Variants in CRAMP1 observed in about 807,000 individuals in gnomAD.
The protein encoded by CRAMP1 is cramped chromatin regulator 1.
CRAMP1 carries 50 observed loss-of-function variants against 115.4 expected under a neutral mutation model. That is an observed-to-expected ratio of 0.43 (90% CI 0.35 to 0.55). The LOEUF (loss-of-function observed/expected upper bound fraction) is 0.55, where lower values mean the gene tolerates loss of function less well. Among genes scored for constraint, CRAMP1 ranks in the 20% least tolerant of loss-of-function variants. CRAMP1 has a pLI of 0.01. For synonymous variants in CRAMP1, 866 were observed against 745.4 expected, an observed-to-expected ratio of 1.16 and a Z score of -2.64; for missense variants, 1,679 against 1,721.7, an observed-to-expected ratio of 0.98 and a Z score of 0.44.
intron 5 of CRAMP1, among the ~76,000 whole-genome samples, chr16:1,639,744 G>T (rs1353352112): frequency 1.3e-5 from 2 of 152,148 alleles, no homozygotes; most frequent in Non-Finnish European, 1.5e-5. Flanking sequence ...TTTCCCATCT[G>T]CCATGAAGAA....
At chr16:1,670,620 C>G in intron 19 of CRAMP1, 44 bp from the exon 20 acceptor site, 1 of 1,607,628 alleles carries the variant, frequency 6.2e-7, no homozygotes, top group Non-Finnish European at 8.5e-7. Context: ...CTGGTCCAGA[C>G]CAAGCAGGGT....
intron 4 of CRAMP1, among the ~76,000 whole-genome samples, chr16:1,635,328 G>T (rs1316462388): frequency 6.6e-6 from 1 of 152,208 alleles, no homozygotes; most frequent in Admixed American, 6.5e-5. Context: ...CAGCTTGGGG[G>T]CCTTGCGTGT....
intron 2 of CRAMP1, among the ~76,000 whole-genome samples, chr16:1,624,572 C>G (rs2036493230): frequency 2.0e-5 from 3 of 151,672 alleles, no homozygotes; most frequent in Non-Finnish European, 2.9e-5. Context: ...GCGTGCACCA[C>G]CACACCTGGC....
chr16:1,614,740 G>C lies in CRAMP1; in HGVS notation c.101G>C (p.Gly34Ala). Residue 34 changes from glycine (G) to alanine (A), a missense_variant, in exon 2 of 21, where the codon GGC becomes GCC. Physicochemically the swap from Gly to Ala is moderately conservative, Grantham distance 60. Transcript: ENST00000397412. This position sits in a 1 kb window ranked among gnomAD's most constrained non-coding sequence, Gnocchi z 4.4. The stretch of plus-strand genomic sequence containing the variant: ...GAGTCCCTGGAAGGAGAAGGGGCCG[G>C]CGGCGCAGACGCGGCCGAGGAGAGC... Reference protein sequence around the residue: ...DEESLEGEGAGGADAAEESSG... With the variant: ...DEESLEGEGAAGADAAEESSG... 7.3e-7 allele frequency: 1 copy of C among 1,368,866 alleles called. No homozygotes were observed. The highest frequency in any genetic ancestry group is 1.5e-5 in the African/African-American group (1 of 67,036). 84.8% of individuals were successfully genotyped at this position (1,368,866 alleles called of 1,614,324 possible). A position where few individuals can be genotyped will look rare whatever the true frequency, so the allele number is the denominator to read the frequency against.
rs928201248 is a variant in CRAMP1, at chr16:1,669,214, C to T, written c.3499+49C>T. On this transcript the variant is annotated intron_variant, in intron 19 of 20. Coordinates refer to ENST00000397412, the MANE Select transcript of CRAMP1 (RefSeq NM_020825.4). This position sits in a 1 kb window ranked among gnomAD's most constrained non-coding sequence, Gnocchi z 4.6. ...ATCTCCTTTTCCAGGGCAGCAGGGG[C>T]TGGGGTCTGCGGGACACTGGATTCT... The T allele has an allele frequency of 2.1e-6, 3 of 1,441,880 alleles. No homozygotes were observed. The highest frequency in any genetic ancestry group is 2.9e-5 in the African/African-American group (2 of 69,520). The allele number at this position is 1,441,880 out of a possible 1,614,324, so 89.3% of individuals were successfully genotyped here.
At chr16:1,623,200 ACAT>A (rs1481272061) in intron 2 of CRAMP1, among the ~76,000 whole-genome samples, 1 of 152,252 alleles carries the variant, frequency 6.6e-6, no homozygotes, top group East Asian at 1.9e-4. Context: ...CATTTTTAAA[ACAT>A]CAGAAGGAAA....
At chr16:1,668,541 G>A (rs2036895394) in intron 18 of CRAMP1, among the ~76,000 whole-genome samples, 1 of 152,186 alleles carries the variant, frequency 6.6e-6, no homozygotes, top group African/African-American at 2.4e-5. Context: ...CAGTTGGGCT[G>A]GGCCCTGTGG....
chr16:1,660,596 C>T (rs539528247), intron 11 of CRAMP1, among the ~76,000 whole-genome samples: 1 of 152,278 alleles, frequency 6.6e-6, no homozygotes, highest in Admixed American at 6.5e-5. Context: ...CATAAAACCC[C>T]AAGACAAGCA....
intron 4 of CRAMP1, among the ~76,000 whole-genome samples, chr16:1,633,960 C>T (rs144376906): frequency 3.0e-4 from 45 of 151,748 alleles, no homozygotes; most frequent in African/African-American, 1.1e-3. Context: ...CCCAGCTACT[C>T]GGGAGGCTGA....
intron 6 of CRAMP1, among the ~76,000 whole-genome samples, chr16:1,648,527 C>T (rs4424913): frequency 0.12 from 18,948 of 151,654 alleles, 1,648 homozygotes; most frequent in Middle Eastern, 0.26. Context: ...ATCACTTGAG[C>T]CCAGGAGGTG....
intron 8 of CRAMP1, 115 bp downstream of exon 8, chr16:1,653,271 T>A (rs1473974673): frequency 1.6e-6 from 2 of 1,243,362 alleles, no homozygotes; most frequent in East Asian, 2.5e-5. Flanking sequence ...CCCTATGCTC[T>A]GTCATCACAC....
intron 2 of CRAMP1, among the ~76,000 whole-genome samples, chr16:1,621,724 A>G (rs577660221): frequency 6.6e-6 from 1 of 152,014 alleles, no homozygotes; most frequent in East Asian, 1.9e-4. Context: ...TCTTGCTTTC[A>G]AAGAGTGCAC....
intron 4 of CRAMP1, among the ~76,000 whole-genome samples, chr16:1,636,384 AG>A (rs1160358621): frequency 6.6e-6 from 1 of 151,762 alleles, no homozygotes; most frequent in African/African-American, 2.4e-5. Context: ...AAAAAAAAAA[AG>A]AAAGAAAGAA....
At chr16:1,627,938 G>T (rs1385801131) in intron 3 of CRAMP1, among the ~76,000 whole-genome samples, 4 of 152,172 alleles carry the variant, frequency 2.6e-5, no homozygotes, top group African/African-American at 4.8e-5. Flanking sequence ...TCCTTGGCAA[G>T]ACTGTAGCCT....
In CRAMP1 at chr16:1,674,151, CTG is replaced by C. The variant is rs748812945; in HGVS notation, c.*109_*110del. On this transcript the variant is annotated 3_prime_UTR_variant, in exon 21 of 21. Coordinates refer to ENST00000397412, the MANE Select transcript of CRAMP1 (RefSeq NM_020825.4). ...AACAGAGGCATCTCCGCACCCAAGA[CTG>C]TGCAACGGGCAGGAACGTGGTCACA... 3.6e-5 allele frequency: 41 copies of C among 1,146,400 alleles called. No homozygotes were observed. Among genetic ancestry groups the C allele is most frequent in the Non-Finnish European group, 4.5e-5 (37 of 819,718 alleles). The allele number at this position is 1,146,400 out of a possible 1,614,324, so 71.0% of individuals were successfully genotyped here. A position where few individuals can be genotyped will look rare whatever the true frequency, so the allele number is the denominator to read the frequency against.
At chr16:1,624,157 T>C (rs1436265405) in intron 2 of CRAMP1, among the ~76,000 whole-genome samples, 2 of 150,962 alleles carry the variant, frequency 1.3e-5, no homozygotes, top group African/African-American at 2.4e-5. Context: ...CTTTTTTAAG[T>C]TCTTTTTTTT....
At position 1,662,776 on chromosome 16, in the gene CRAMP1, T is replaced by G. The variant is rs2036844374; in HGVS notation, c.2611T>G (p.Phe871Val). The change falls in exon 13 of 21, where the codon TTC becomes GTC. Residue 871 changes from phenylalanine to valine, a missense_variant. Around this residue, in one of 8 missense-constraint regions of CRAMP1, gnomAD observed 709 missense variants for 741.9 expected, o/e 0.96. Transcript: ENST00000397412. ...LNSISMQSDF[F>V]LPKPRKLRNR... ...TCCCTTACAGATGCAGTCGGATTTC[T>G]TCCTGCCAAAGCCCCGGAAGCTGCG... 6.2e-7 allele frequency: 1 copy of G among 1,613,806 alleles called. No individual in the cohort carries two copies. The highest frequency in any genetic ancestry group is 1.3e-5 in the African/African-American group (1 of 74,934).
At chr16:1,646,103 C>T (rs2142190049) in intron 6 of CRAMP1, among the ~76,000 whole-genome samples, 1 of 152,318 alleles carries the variant, frequency 6.6e-6, no homozygotes, top group African/African-American at 2.4e-5. Flanking sequence ...TGTGGATCTG[C>T]AGCTTATACT....
At position 1,624,188 on chromosome 16, in the gene CRAMP1, T is replaced by C. The variant is rs1430342984; in HGVS notation, c.347-1785T>C. 4.6e-5 allele frequency among the ~76,000 whole-genome samples: 7 copies of C among 151,806 alleles called. No individual in the cohort carries two copies. In the East Asian group the frequency reaches 1.4e-3, roughly 29 times the overall value. Reference sequence around the variant, plus strand: ...TTTTTTTTAAGCCTGAGTCTCACTCTGTTGCCCAGACTGGTGTGCAATGGC... The same window carrying C: ...TTTTTTTTAAGCCTGAGTCTCACTCCGTTGCCCAGACTGGTGTGCAATGGC... On this transcript the variant is annotated intron_variant, in intron 2 of 20. Transcript: ENST00000397412.
Sources: gnomAD v4.1 joint callset for allele counts (sites outside exome capture counted in the v4.1 genomes callset) on GRCh38, gnomAD v4.1.1 for gene constraint, gnomAD v4.1.1 regional missense constraint, Gnocchi (gnomAD v3.1) non-coding constraint, MANE v1.5 for transcripts, NCBI Gene and HGNC (gene_info 2026-07-23, HGNC 2026-07-21) for gene names.